The following LRRC4C variants were observed in gnomAD, a reference collection of about 807,000 sequenced individuals.
The protein encoded by LRRC4C is leucine rich repeat containing 4C.
Under a neutral mutation model 33.6 loss-of-function variants are expected in LRRC4C, and 5 were observed. That is an observed-to-expected ratio of 0.15 (90% CI 0.08 to 0.31). The LOEUF is 0.31. Among genes scored for constraint, LRRC4C ranks in the 10% least tolerant of loss-of-function variants. LRRC4C has a pLI of 1.00. For synonymous variants in LRRC4C, 329 were observed against 302.0 expected, an observed-to-expected ratio of 1.09 and a Z score of -0.93; for missense variants, 560 against 796.7, an observed-to-expected ratio of 0.70 and a Z score of 3.58.
At position 41,105,393 on chromosome 11, in the gene LRRC4C, C is replaced by T. The variant is rs184049685; in HGVS notation, c.-495-171670G>A. ...ATTGCATCTTATATATACATCACTACGCACATAATCTATTATATTAATATA... is the reference window on the plus strand; with the variant it reads ...ATTGCATCTTATATATACATCACTATGCACATAATCTATTATATTAATATA... On this transcript the variant is annotated intron_variant, in intron 1 of 6. Transcript: ENST00000528697. Among the ~76,000 whole-genome samples the T allele has an allele frequency of 2.0e-4, 31 of 152,120 alleles. No individual in the cohort carries two copies. The South Asian group carries it at 2.1e-3, about 10-fold the overall frequency.
chr11:40,898,808 A>G (rs2136172528), intron 2 of LRRC4C, among the ~76,000 whole-genome samples: 1 of 152,218 alleles, frequency 6.6e-6, no homozygotes, highest in African/African-American at 2.4e-5. Flanking sequence ...ACTCGTCCCA[A>G]TTAAACTGGA....
intron 3 of LRRC4C, among the ~76,000 whole-genome samples, chr11:40,399,746 T>C (rs1398138051): frequency 6.6e-6 from 1 of 151,938 alleles, no homozygotes; most frequent in Non-Finnish European, 1.5e-5. Flanking sequence ...AATGGTAACA[T>C]CATGTGCTGA....
chr11:40,119,742 G>A (rs1855692791), intron 6 of LRRC4C, among the ~76,000 whole-genome samples: 1 of 152,038 alleles, frequency 6.6e-6, no homozygotes, highest in African/African-American at 2.4e-5. Flanking sequence ...TACCCTTTCA[G>A]GGCTAGCAAA....
chr11:41,024,578 A>G (rs1856211860), intron 1 of LRRC4C, among the ~76,000 whole-genome samples: 1 of 151,698 alleles, frequency 6.6e-6, no homozygotes, highest in Non-Finnish European at 1.5e-5. Flanking sequence ...AGTAAGTCAA[A>G]ATGCTCAAAT....
intron 1 of LRRC4C, among the ~76,000 whole-genome samples, chr11:41,092,301 T>A (rs544059254): frequency 6.6e-6 from 1 of 152,264 alleles, no homozygotes; most frequent in Admixed American, 6.5e-5. Context: ...AAGTAGACGA[T>A]GAGAAAGTAA....
At chr11:40,630,427 T>A (rs1052959015) in intron 3 of LRRC4C, among the ~76,000 whole-genome samples, 2 of 151,034 alleles carry the variant, frequency 1.3e-5, no homozygotes, top group Admixed American at 6.6e-5. Flanking sequence ...TCTTCTTTTT[T>A]TTTTTTGATA....
chr11:40,774,316 A>T (rs187466045), intron 2 of LRRC4C, among the ~76,000 whole-genome samples: 4 of 152,164 alleles, frequency 2.6e-5, no homozygotes, highest in Admixed American at 2.0e-4. Context: ...AACTATATCA[A>T]TGAGACTGAG....
At chr11:40,602,848 T>C (rs766043148) in intron 3 of LRRC4C, among the ~76,000 whole-genome samples, 4 of 152,184 alleles carry the variant, frequency 2.6e-5, no homozygotes, top group Admixed American at 2.0e-4. Flanking sequence ...TCACCACGTA[T>C]CTGCCTCTTA....
intron 2 of LRRC4C, among the ~76,000 whole-genome samples, chr11:40,877,130 AT>A (rs973023062): frequency 2.2e-3 from 168 of 77,666 alleles, no homozygotes; most frequent in Middle Eastern, 0.021. Context: ...TTCAGGTGAC[AT>A]TTTTTTTTGG....
chr11:40,383,824 A>G (rs1267508421), intron 3 of LRRC4C, among the ~76,000 whole-genome samples: 2 of 151,800 alleles, frequency 1.3e-5, no homozygotes, highest in Admixed American at 1.3e-4. Context: ...AGCTGGGAAC[A>G]CAGGCATGCA....
chr11:40,920,645 T>C (rs1307871705), intron 2 of LRRC4C, among the ~76,000 whole-genome samples: 2 of 152,134 alleles, frequency 1.3e-5, no homozygotes. Flanking sequence ...TGTTTACTTC[T>C]AATAGGAAAC....
At chr11:40,119,364 T>C (rs1855662774) in intron 6 of LRRC4C, among the ~76,000 whole-genome samples, 1 of 152,158 alleles carries the variant, frequency 6.6e-6, no homozygotes, top group African/African-American at 2.4e-5. Context: ...GTTACTATTT[T>C]TTTCCCCCAG....
intron 3 of LRRC4C, among the ~76,000 whole-genome samples, chr11:40,329,992 C>G (rs560037364): frequency 1.3e-5 from 2 of 152,024 alleles, no homozygotes; most frequent in Non-Finnish European, 2.9e-5. Context: ...CCACCCACTT[C>G]GGCCTCCCAA....
intron 6 of LRRC4C, among the ~76,000 whole-genome samples, chr11:40,122,856 A>AAAAAC (rs888529543): frequency 6.7e-6 from 1 of 148,902 alleles, no homozygotes; most frequent in Non-Finnish European, 1.5e-5. Flanking sequence ...ACTCCCATGC[A>AAAAAC]AAAACAAAAC....
intron 2 of LRRC4C, among the ~76,000 whole-genome samples, chr11:40,790,869 T>G (rs562645670): frequency 6.6e-6 from 1 of 152,298 alleles, no homozygotes; most frequent in African/African-American, 2.4e-5. Flanking sequence ...TAAAAATATT[T>G]TTGTTTCTCT....
At chr11:40,446,141 C>T (rs1951624681) in intron 3 of LRRC4C, 3 of 152,180 alleles carry the variant, frequency 2.0e-5, no homozygotes, top group Admixed American at 1.3e-4. Context: ...CATGAGGTCT[C>T]TCCCATATGA....
At chr11:41,236,259 A>G (rs1315549252) in intron 1 of LRRC4C, among the ~76,000 whole-genome samples, 1 of 152,054 alleles carries the variant, frequency 6.6e-6, no homozygotes, top group Non-Finnish European at 1.5e-5. Flanking sequence ...TTGAATCTCT[A>G]TCAGACCAGC....
At chr11:40,785,467 T>C (rs1591714748) in intron 2 of LRRC4C, among the ~76,000 whole-genome samples, 1 of 152,326 alleles carries the variant, frequency 6.6e-6, no homozygotes, top group East Asian at 1.9e-4. Context: ...AAATGGCATC[T>C]CTTGGTTATA....
At chr11:41,264,462 G>T (rs1949085635) in intron 1 of LRRC4C, among the ~76,000 whole-genome samples, 1 of 152,036 alleles carries the variant, frequency 6.6e-6, no homozygotes, top group Admixed American at 6.6e-5. Flanking sequence ...GGCTCAAACT[G>T]TTGATACATA....
Sources: allele counts gnomAD v4.1 joint callset (sites outside exome capture counted in the v4.1 genomes callset), GRCh38; gene constraint gnomAD v4.1.1; transcripts MANE v1.5; gene names NCBI Gene and HGNC (gene_info 2026-07-23, HGNC 2026-07-21).